TAFA1: variants seen among roughly 807,000 people sequenced by gnomAD.
TAFA1 encodes chemokine-like protein TAFA-1.
Under a neutral mutation model 18.5 loss-of-function variants are expected in TAFA1, and 4 were observed. The ratio of observed to expected loss-of-function variants is 0.22; its 90% CI spans 0.11 to 0.49. TAFA1 has a LOEUF of 0.49. Among genes scored for constraint, TAFA1 ranks in the 20% least tolerant of loss-of-function variants. The pLI is 0.98. For synonymous variants in TAFA1, 56 were observed against 55.2 expected (o/e 1.01, Z -0.06); for missense variants, 147 against 169.0 (o/e 0.87, Z 0.72).
chr3:68,487,806 C>CGAAAA (rs1553696267), intron 3 of TAFA1, among the ~76,000 whole-genome samples: 1 of 97,564 alleles, frequency 1.0e-5, no homozygotes, highest in Non-Finnish European at 2.2e-5. Context: ...TTCTCTGTAC[C>CGAAAA]AAAAGAAAAA....
At chr3:68,484,960 A>G (rs1459989795) in intron 3 of TAFA1, among the ~76,000 whole-genome samples, 1 of 152,246 alleles carries the variant, frequency 6.6e-6, no homozygotes, top group Non-Finnish European at 1.5e-5. Context: ...CAAGAGTCAT[A>G]ATCAAGGCTA....
chr3:68,379,168 A>G (rs2069878792), intron 2 of TAFA1, among the ~76,000 whole-genome samples: 1 of 152,102 alleles, frequency 6.6e-6, no homozygotes, highest in South Asian at 2.1e-4. Flanking sequence ...CCATGCTAGC[A>G]TCTGTTATTT....
At chr3:68,257,065 G>A (rs911203212) in intron 2 of TAFA1, among the ~76,000 whole-genome samples, 3 of 151,986 alleles carry the variant, frequency 2.0e-5, no homozygotes, top group Non-Finnish European at 4.4e-5. Context: ...CACTCGTAAC[G>A]CTCTGCTTAT....
At chr3:68,029,002 C>G in intron 2 of TAFA1, among the ~76,000 whole-genome samples, 1 of 151,994 alleles carries the variant, frequency 6.6e-6, no homozygotes, top group South Asian at 2.1e-4. Flanking sequence ...ATCCACTTAC[C>G]TTGGTTTCTC....
intron 2 of TAFA1, among the ~76,000 whole-genome samples, chr3:68,411,780 C>A (rs1283301574): frequency 6.6e-6 from 1 of 152,078 alleles, no homozygotes; most frequent in East Asian, 1.9e-4. Flanking sequence ...CTTTTCCTGC[C>A]AAAGATCTAA....
intron 2 of TAFA1, among the ~76,000 whole-genome samples, chr3:68,218,804 T>G (rs1438941595): frequency 2.0e-5 from 3 of 152,168 alleles, no homozygotes; most frequent in African/African-American, 4.8e-5. Context: ...GGACTTGGGT[T>G]AAGCTGAATA....
intron 2 of TAFA1, among the ~76,000 whole-genome samples, chr3:68,090,564 G>A (rs2065018294): frequency 6.6e-6 from 1 of 152,164 alleles, no homozygotes; most frequent in South Asian, 2.1e-4. Flanking sequence ...AATTCTGCAT[G>A]TCTGGTGGTG....
At chr3:68,530,191 C>G (rs951138108) in intron 3 of TAFA1, among the ~76,000 whole-genome samples, 8 of 152,298 alleles carry the variant, frequency 5.3e-5, no homozygotes, top group Non-Finnish European at 1.0e-4. Context: ...AAAGGGACTG[C>G]AGTTCTTAGT....
chr3:68,217,854 C>G (rs973264573), intron 2 of TAFA1, among the ~76,000 whole-genome samples: 1 of 152,014 alleles, frequency 6.6e-6, no homozygotes, highest in East Asian at 1.9e-4. Context: ...TTAGCTTTCA[C>G]AGTAAATTTA....
intron 2 of TAFA1, among the ~76,000 whole-genome samples, chr3:68,382,993 G>T (rs578067629): frequency 6.6e-6 from 1 of 152,082 alleles, no homozygotes; most frequent in East Asian, 1.9e-4. Flanking sequence ...TCCTGGTTTG[G>T]CTTTCAGCTT....
intron 3 of TAFA1, among the ~76,000 whole-genome samples, chr3:68,428,089 T>C (rs2071093896): frequency 6.6e-6 from 1 of 151,876 alleles, no homozygotes; most frequent in Admixed American, 6.6e-5. Flanking sequence ...TGCCCAAACA[T>C]GTGGAGTTTA....
chr3:68,219,383 A>G (rs2066702608), intron 2 of TAFA1, among the ~76,000 whole-genome samples: 1 of 152,182 alleles, frequency 6.6e-6, no homozygotes, highest in African/African-American at 2.4e-5. Context: ...TATAGTTTAG[A>G]ACTCACAGTG....
intron 2 of TAFA1, among the ~76,000 whole-genome samples, chr3:68,018,048 A>G (rs1000695511): frequency 1.9e-4 from 29 of 152,226 alleles, no homozygotes; most frequent in Non-Finnish European, 3.7e-4. Flanking sequence ...GTGTAAAAGG[A>G]TGGGGTAGCA....
chr3:68,047,111 G>A (rs2064399143), intron 2 of TAFA1, among the ~76,000 whole-genome samples: 1 of 152,096 alleles, frequency 6.6e-6, no homozygotes, highest in African/African-American at 2.4e-5. Context: ...ATCCCCATGA[G>A]GGTAGGCAAG....
chr3:68,040,032 C>T (rs1057160380), intron 2 of TAFA1, among the ~76,000 whole-genome samples: 4 of 152,264 alleles, frequency 2.6e-5, no homozygotes, highest in East Asian at 3.9e-4. Flanking sequence ...CACAGACATG[C>T]ACAGTAGGAA....
intron 2 of TAFA1, among the ~76,000 whole-genome samples, chr3:68,324,930 G>T (rs2068753510): frequency 1.3e-5 from 2 of 152,172 alleles, no homozygotes; most frequent in Admixed American, 1.3e-4. Context: ...GACGTGGTTA[G>T]AAAGTTGTCT....
At chr3:68,439,410 TAC>T (rs1370283520) in intron 3 of TAFA1, among the ~76,000 whole-genome samples, 1 of 77,946 alleles carries the variant, frequency 1.3e-5, no homozygotes, top group Non-Finnish European at 2.5e-5. Context: ...TATATATACA[TAC>T]ATATATATAT....
chr3:68,100,698 T>C (rs983822264), intron 2 of TAFA1, among the ~76,000 whole-genome samples: 2 of 152,184 alleles, frequency 1.3e-5, no homozygotes, highest in Non-Finnish European at 2.9e-5. Flanking sequence ...TGATATCTCT[T>C]TCAATAATTC....
chr3:68,293,974 A>C (rs560179008), intron 2 of TAFA1, among the ~76,000 whole-genome samples: 15 of 152,226 alleles, frequency 9.9e-5, no homozygotes, highest in Non-Finnish European at 1.9e-4. Context: ...ATTGATTAAG[A>C]TTTAGGATTT....
Sources: allele counts gnomAD v4.1 joint callset (sites outside exome capture counted in the v4.1 genomes callset), GRCh38; gene constraint gnomAD v4.1.1; transcripts MANE v1.5; gene names NCBI Gene and HGNC (gene_info 2026-07-23, HGNC 2026-07-21).